SP3: variants seen among roughly 807,000 people sequenced by gnomAD.
SP3 encodes transcription factor Sp3.
In SP3, 10 loss-of-function variants were observed where a neutral mutation model predicts 70.3. The observed-to-expected ratio is 0.14, with a 90% CI of 0.09 to 0.24. The LOEUF (loss-of-function observed/expected upper bound fraction) is 0.24, where lower values mean the gene tolerates loss of function less well. SP3 is among the 10% of genes least tolerant of loss of function. SP3 has a pLI of 1.00. For missense variants in SP3, 825 were observed against 914.6 expected, an observed-to-expected ratio of 0.90 and a Z score of 1.26; for synonymous variants, 402 against 333.5, an observed-to-expected ratio of 1.21 and a Z score of -2.24.
At chr2:173,949,406 G>T (rs1231345737) in intron 4 of SP3, among the ~76,000 whole-genome samples, 1 of 151,304 alleles carries the variant, frequency 6.6e-6, no homozygotes, top group Non-Finnish European at 1.5e-5. Flanking sequence ...CAAAAAAAGG[G>T]AAGAAAAATA....
intron 4 of SP3, among the ~76,000 whole-genome samples, chr2:173,941,869 C>G (rs760867111): frequency 5.9e-5 from 9 of 152,164 alleles, no homozygotes; most frequent in Non-Finnish European, 1.2e-4. Flanking sequence ...GTCTCCAACT[C>G]TGTTAAAATT....
chr2:173,936,288 G>C (rs1243978065), intron 4 of SP3, among the ~76,000 whole-genome samples: 1 of 152,088 alleles, frequency 6.6e-6, no homozygotes, highest in Non-Finnish European at 1.5e-5. Context: ...TAAAGTGCTG[G>C]GATTACAGGT....
Position 173,910,187 on chromosome 2 carries a change from A to C in SP3, c.2100T>G (p.Ile700Met), listed in dbSNP as rs780355136. The change falls in exon 7 of 7, where the codon ATT (isoleucine) becomes ATG (methionine). Residue 700 changes from isoleucine to methionine, a missense_variant. Ile to Met is a conservative substitution (Grantham distance 10). Transcript: ENST00000310015. The part of the protein sequence containing the change: ...FMRSDHLAKH[I>M]KTHQNKKGIH... ...TACCTTTTTTATTCTGGTGTGTTTTAATATGTTTGGCAAGGTGGTCACTTC... is the reference window on the plus strand; with the variant it reads ...TACCTTTTTTATTCTGGTGTGTTTTCATATGTTTGGCAAGGTGGTCACTTC... The C allele has an allele frequency of 6.2e-7, 1 of 1,614,026 alleles. No individual in the cohort carries two copies. Among genetic ancestry groups the C allele is most frequent in the Non-Finnish European group, 8.5e-7 (1 of 1,179,894 alleles).
intron 3 of SP3, among the ~76,000 whole-genome samples, chr2:173,959,753 C>CAA (rs2105504223): frequency 6.6e-6 from 1 of 151,648 alleles, no homozygotes; most frequent in East Asian, 1.9e-4. Flanking sequence ...GACTCAGTCT[C>CAA]AAAAAAATAA....
chr2:173,963,845 G>C lies in SP3; in HGVS notation c.195C>G (p.Thr65=). ...QPSPLALLAA[T]CSKIGPPSPG... is the part of the protein sequence containing the mutation. ...GCGATGGCGGCCCTATCTTGCTGCA[G>C]GTAGCGGCCAGCAGAGCGAGCGGTG... Residue 65 remains threonine, a synonymous_variant, in exon 3 of 7, where the codon ACC becomes ACG. Transcript: ENST00000310015. 1.3e-6 allele frequency: 2 copies of C among 1,504,594 alleles called. No homozygotes were observed. The highest frequency in any genetic ancestry group is 1.8e-6 in the Non-Finnish European group (2 of 1,123,136). 93.2% of individuals were successfully genotyped at this position (1,504,594 alleles called of 1,614,324 possible). A position where few individuals can be genotyped will look rare whatever the true frequency, so the allele number is the denominator to read the frequency against.
In SP3 at chr2:173,955,236, C is replaced by T; in HGVS notation, c.1276G>A (p.Ala426Thr). 3 of 1,614,140 alleles carry T rather than the reference C, an allele frequency of 1.9e-6. No individual in the cohort carries two copies. Among genetic ancestry groups the T allele is most frequent in the Non-Finnish European group, 8.5e-7 (1 of 1,180,030 alleles). ...TGTTGTGATATATTTTGACCACTGGCTTGCACACCATGGATTGTCTGTGGT... is the reference window on the plus strand; with the variant it reads ...TGTTGTGATATATTTTGACCACTGGTTTGCACACCATGGATTGTCTGTGGT... ...ITPQTIHGVQ[A>T]SGQNISQQAL... Residue 426 changes from alanine to threonine, a missense_variant, in exon 4 of 7, where the codon GCC becomes ACC. By Grantham distance (58) the Ala-to-Thr change is moderately conservative (BLOSUM62 0). Around this residue, in one of 4 missense-constraint regions of SP3, gnomAD observed 678 missense variants for 651.6 expected, o/e 1.04. Transcript: ENST00000310015.
chr2:173,910,588 C>T (rs1352676923), intron 6 of SP3, among the ~76,000 whole-genome samples: 1 of 152,158 alleles, frequency 6.6e-6, no homozygotes, highest in Non-Finnish European at 1.5e-5. Flanking sequence ...AAATAAGCAT[C>T]TATAACACAC....
intron 5 of SP3, chr2:173,913,874 A>T (rs1398006037): frequency 6.6e-6 from 1 of 152,216 alleles, no homozygotes. Context: ...ATTAGATGAG[A>T]TAAATACAAA....
At position 173,963,846 on chromosome 2, in the gene SP3, G is replaced by A; in HGVS notation, c.194C>T (p.Thr65Ile). 1.3e-6 allele frequency: 2 copies of A among 1,504,690 alleles called. No homozygotes were observed. The allele number at this position is 1,504,690 out of a possible 1,614,324, so 93.2% of individuals were successfully genotyped here. A position where few individuals can be genotyped will look rare whatever the true frequency, so the allele number is the denominator to read the frequency against. The change falls in exon 3 of 7, where the codon ACC becomes ATC. Residue 65 changes from threonine (T) to isoleucine (I), a missense_variant. Physicochemically the swap from Thr to Ile is moderately conservative, Grantham distance 89. Transcript: ENST00000310015. ...CGATGGCGGCCCTATCTTGCTGCAG[G>A]TAGCGGCCAGCAGAGCGAGCGGTGA... ...QPSPLALLAA[T>I]CSKIGPPSPG...
intron 4 of SP3, among the ~76,000 whole-genome samples, chr2:173,929,923 T>A (rs1690025435): frequency 6.6e-6 from 1 of 152,188 alleles, no homozygotes; most frequent in Non-Finnish European, 1.5e-5. Context: ...TTTGATTCTA[T>A]CCAATTCCAA....
chr2:173,949,578 A>G (rs1319215851), intron 4 of SP3, among the ~76,000 whole-genome samples: 1 of 152,128 alleles, frequency 6.6e-6, no homozygotes, highest in African/African-American at 2.4e-5. Flanking sequence ...ATACACCTAA[A>G]AACACCTAAA....
intron 4 of SP3, among the ~76,000 whole-genome samples, chr2:173,933,860 GAC>G (rs1690142018): frequency 6.6e-6 from 1 of 151,610 alleles, no homozygotes; most frequent in African/African-American, 2.4e-5. Flanking sequence ...GTAAATCTAA[GAC>G]AAATAAAATT....
In SP3 at chr2:173,955,018, A is replaced by T; in HGVS notation, c.1494T>A (p.Gly498=). The T allele has an allele frequency of 6.2e-7, 1 of 1,614,194 alleles. No individual in the cohort carries two copies. The highest frequency in any genetic ancestry group is 1.1e-5 in the South Asian group (1 of 91,086). The change falls in exon 4 of 7, where the codon GGT becomes GGA. Residue 498 remains glycine, a synonymous_variant. Transcript: ENST00000310015. The stretch of plus-strand genomic sequence containing the variant: ...TGAAGGCTCCACCTGCCGCAACTTG[A>T]CCAAGTGTGAGGGTTTGAACAGGCG... ...TLTPVQTLTL[G]QVAAGGAFTS...
intron 5 of SP3, chr2:173,913,902 T>C (rs1317949502): frequency 6.6e-6 from 1 of 152,180 alleles, no homozygotes; most frequent in East Asian, 1.9e-4. Flanking sequence ...TATCTTTACA[T>C]TTAAAATTCC....
At chr2:173,930,334 A>G (rs1472941566) in intron 4 of SP3, among the ~76,000 whole-genome samples, 1 of 152,170 alleles carries the variant, frequency 6.6e-6, no homozygotes, top group Non-Finnish European at 1.5e-5. Flanking sequence ...TGGGAGGCCA[A>G]GGTGGGAGGA....
chr2:173,917,831 C>T (rs1042935587), intron 5 of SP3, among the ~76,000 whole-genome samples: 5 of 151,980 alleles, frequency 3.3e-5, no homozygotes, highest in Admixed American at 6.6e-5. Flanking sequence ...TTATTTGGGG[C>T]TTTCACCTCA....
chr2:173,931,976 G>A (rs1280411477), intron 4 of SP3, among the ~76,000 whole-genome samples: 2 of 152,170 alleles, frequency 1.3e-5, no homozygotes, highest in African/African-American at 4.8e-5. Context: ...GTGTTCACTG[G>A]ACTAGGACTT....
rs1482516900 is a variant in SP3 at position 173,904,343 on chromosome 2, G to C, written c.*5598C>G. Among the ~76,000 whole-genome samples the C allele has an allele frequency of 6.6e-6, 1 of 152,152 alleles. No homozygotes were observed. Among genetic ancestry groups the C allele is most frequent in the Non-Finnish European group, 1.5e-5 (1 of 68,022 alleles). Reference sequence around the variant, plus strand: ...TCATCAACTCTATGGTGTTTTACGAGAGAATATACTGTACCTCAGTTGTCT... The same window carrying C: ...TCATCAACTCTATGGTGTTTTACGACAGAATATACTGTACCTCAGTTGTCT... On this transcript the variant is annotated 3_prime_UTR_variant, in exon 7 of 7. Coordinates refer to ENST00000310015, the MANE Select transcript of SP3 (RefSeq NM_003111.5).
At position 173,956,166 on chromosome 2, in the gene SP3, G is replaced by T; in HGVS notation, c.346C>A (p.Pro116Thr). 6.2e-7 allele frequency: 1 copy of T among 1,614,068 alleles called. No individual in the cohort carries two copies. Among genetic ancestry groups the T allele is most frequent in the Non-Finnish European group, 8.5e-7 (1 of 1,179,956 alleles). ...CCAGCTTCATCTTTTATAGTTGTAG[G>T]TGTGGCTGACAAAACCTCCCATCGG... ...PNRWEVLSAT[P>T]TTIKDEAGNL... The change falls in exon 4 of 7, where the codon CCT (proline) becomes ACT (threonine). Residue 116 changes from proline (P) to threonine (T), a missense_variant. This residue lies in a region of SP3 where 678 missense variants were observed against 651.6 expected (regional missense o/e 1.04). Transcript: ENST00000310015.
Sources: gnomAD v4.1 joint callset for allele counts (sites outside exome capture counted in the v4.1 genomes callset) on GRCh38, gnomAD v4.1.1 for gene constraint, gnomAD v4.1.1 regional missense constraint, MANE v1.5 for transcripts, NCBI Gene and HGNC (gene_info 2026-07-23, HGNC 2026-07-21) for gene names.